NAV3: variants seen among roughly 807,000 people sequenced by gnomAD.
NAV3 encodes pore membrane and/or filament interacting like protein 1.
In NAV3, 87 loss-of-function variants were observed where a neutral mutation model predicts 244.7. The ratio of observed to expected loss-of-function variants is 0.36; its 90% CI spans 0.30 to 0.42. The LOEUF is 0.42. Ranked by LOEUF, NAV3 falls within the 20% of genes least tolerant of loss-of-function variation. NAV3 has a pLI of 1.00. For synonymous variants in NAV3, 1,126 were observed against 1,042.2 expected (o/e 1.08, Z -1.55); for missense variants, 2,663 against 2,893.3 (o/e 0.92, Z 1.83).
intron 2 of NAV3, among the ~76,000 whole-genome samples, chr12:77,644,612 G>T (rs992908722): frequency 6.6e-6 from 1 of 151,862 alleles, no homozygotes; most frequent in Non-Finnish European, 1.5e-5. Context: ...TTTTTTATCA[G>T]GTTTTAACTG....
intron 1 of NAV3, among the ~76,000 whole-genome samples, chr12:77,869,245 T>G (rs1880574848): frequency 6.6e-6 from 1 of 152,144 alleles, no homozygotes; most frequent in Non-Finnish European, 1.5e-5. Context: ...CCAACTATTA[T>G]GAGGGTTCGA....
intron 1 of NAV3, among the ~76,000 whole-genome samples, chr12:77,921,180 G>C (rs190155973): frequency 1.1e-4 from 16 of 151,928 alleles, no homozygotes; most frequent in African/African-American, 3.9e-4. Flanking sequence ...AACGTCTTTT[G>C]GTCATCATAA....
At chr12:78,040,192 G>T (rs967496505) in intron 9 of NAV3, among the ~76,000 whole-genome samples, 1 of 152,086 alleles carries the variant, frequency 6.6e-6, no homozygotes, top group Non-Finnish European at 1.5e-5. Context: ...CCTTTTGTGG[G>T]TCATTGAAAA....
intron 2 of NAV3, among the ~76,000 whole-genome samples, chr12:77,712,687 T>C (rs1377494820): frequency 6.6e-6 from 1 of 152,186 alleles, no homozygotes; most frequent in Non-Finnish European, 1.5e-5. Flanking sequence ...TGATTTTTCT[T>C]TACAAATGGG....
At chr12:78,181,156 C>G in intron 30 of NAV3, 111 bp downstream of exon 30, 1 of 945,610 alleles carries the variant, frequency 1.1e-6, no homozygotes, top group Non-Finnish European at 1.6e-6. Context: ...CACTCTAATT[C>G]TCAGAAATAG....
Position 78,007,450 on chromosome 12 carries a change from G to T in NAV3, c.1907+5G>T, listed in dbSNP as rs1874432216. 6.2e-7 allele frequency: 1 copy of T among 1,610,250 alleles called. No individual in the cohort carries two copies. ...AGTGGCACCATTCATTTACAGGTAA[G>T]GTGGCCTCTGTTTATCCACAGTTGT... On this transcript the variant is annotated splice_donor_5th_base_variant and intron_variant, in intron 8 of 39. Transcript: ENST00000397909.
At chr12:78,063,731 TAAAG>T (rs1343791794) in intron 12 of NAV3, among the ~76,000 whole-genome samples, 1 of 152,108 alleles carries the variant, frequency 6.6e-6, no homozygotes, top group East Asian at 1.9e-4. Flanking sequence ...AGCAGGGTCT[TAAAG>T]AAAGCATACA....
chr12:77,876,419 T>C (rs1363181165), intron 1 of NAV3, among the ~76,000 whole-genome samples: 1 of 152,112 alleles, frequency 6.6e-6, no homozygotes, highest in Non-Finnish European at 1.5e-5. Flanking sequence ...ATTAAATAGA[T>C]GAAGAGGCTG....
intron 22 of NAV3, among the ~76,000 whole-genome samples, chr12:78,156,548 C>T (rs1957312252): frequency 1.3e-5 from 2 of 151,970 alleles, no homozygotes; most frequent in Admixed American, 6.6e-5. Flanking sequence ...AAAGTATACA[C>T]AAAGGGTAAA....
In NAV3 at chr12:77,759,097, G is replaced by A. The variant is rs200946866; in HGVS notation, c.73-181222G>A. On this transcript the variant is annotated intron_variant, in intron 2 of 8. Transcript: ENST00000550042. Reference sequence around the variant, plus strand: ...GCACAGTCCCACTGCACCCTGCCACGCCAGTCTATATGAATGCTTCCTCAT... The same window carrying A: ...GCACAGTCCCACTGCACCCTGCCACACCAGTCTATATGAATGCTTCCTCAT... Among the ~76,000 whole-genome samples the A allele has an allele frequency of 4.6e-4, 70 of 152,258 alleles. No individual in the cohort carries two copies. In the East Asian group the frequency reaches 8.3e-3, roughly 18 times the overall value.
intron 1 of NAV3, among the ~76,000 whole-genome samples, chr12:77,928,930 T>A (rs1888500800): frequency 6.6e-6 from 1 of 152,132 alleles, no homozygotes; most frequent in African/African-American, 2.4e-5. Context: ...AAAGTGTCAC[T>A]GGGATGGGTA....
At chr12:78,079,783 C>T (rs986993785) in intron 12 of NAV3, among the ~76,000 whole-genome samples, 15 of 152,088 alleles carry the variant, frequency 9.9e-5, no homozygotes, top group African/African-American at 2.9e-4. Context: ...AATGATTAGG[C>T]CTACCCTCTA....
chr12:77,579,669 A>C (rs1304014884), intron 2 of NAV3, among the ~76,000 whole-genome samples: 10 of 152,296 alleles, frequency 6.6e-5, no homozygotes, highest in South Asian at 2.1e-4. Flanking sequence ...CTAACATACA[A>C]ACCATAGTAC....
At chr12:77,689,130 G>A (rs901181012) in intron 2 of NAV3, among the ~76,000 whole-genome samples, 5 of 151,894 alleles carry the variant, frequency 3.3e-5, no homozygotes, top group African/African-American at 1.2e-4. Flanking sequence ...AACACACTCA[G>A]CAGATATTTC....
chr12:77,746,821 C>G (rs1868570113), intron 2 of NAV3, among the ~76,000 whole-genome samples: 1 of 152,012 alleles, frequency 6.6e-6, no homozygotes, highest in Non-Finnish European at 1.5e-5. Flanking sequence ...CAGCTACTCT[C>G]TTTCTTTGGA....
At chr12:78,039,218 C>T (rs186698316) in intron 9 of NAV3, among the ~76,000 whole-genome samples, 41 of 152,146 alleles carry the variant, frequency 2.7e-4, no homozygotes, top group East Asian at 9.7e-4. Flanking sequence ...AATATATCTA[C>T]GCCCACAGCA....
chr12:78,000,532 C>A, intron 7 of NAV3, among the ~76,000 whole-genome samples: 1 of 119,708 alleles, frequency 8.4e-6, no homozygotes, highest in Admixed American at 9.7e-5. Context: ...GAGACGGAGT[C>A]TCACTCTGTC....
At chr12:77,667,248 C>T (rs373750114) in intron 2 of NAV3, among the ~76,000 whole-genome samples, 1 of 152,050 alleles carries the variant, frequency 6.6e-6, no homozygotes, top group South Asian at 2.1e-4. Flanking sequence ...CCAGGAAAGG[C>T]GAGAGAATCC....
chr12:77,729,691 TG>T lies in NAV3; in HGVS notation c.72+157426del, dbSNP rs571447670. Among the ~76,000 whole-genome samples the T allele has an allele frequency of 1.9e-3, 287 of 152,074 alleles. No homozygotes were observed. The Middle Eastern group carries it at 0.02, about 11-fold the overall frequency. ...GGAAGAAGAGAGAAGGCTGAAATTC[TG>T]CAGCAGCAATTCATCTTTCAGATTT... On this transcript the variant is annotated intron_variant, in intron 2 of 8. Transcript: ENST00000550042.
Sources: allele counts gnomAD v4.1 joint callset (sites outside exome capture counted in the v4.1 genomes callset), GRCh38; gene constraint gnomAD v4.1.1; transcripts MANE v1.5; gene names NCBI Gene and HGNC (gene_info 2026-07-23, HGNC 2026-07-21).